HIBCH: variants seen among roughly 807,000 people sequenced by gnomAD.
The protein encoded by HIBCH is 3-hydroxyisobutyryl-CoA hydrolase, mitochondrial.
HIBCH carries 50 observed loss-of-function variants against 58.2 expected under a neutral mutation model. The observed-to-expected ratio is 0.86, with a 90% confidence interval of 0.68 to 1.09. The LOEUF is 1.09. HIBCH is among the 50% of genes least tolerant of loss of function. The pLI is 0.00. For synonymous variants in HIBCH, 151 were observed against 146.9 expected (o/e 1.03, Z -0.20); for missense variants, 450 against 449.7 (o/e 1.00, Z -0.01).
At chr2:190,294,116 T>C (rs2105989538) in intron 4 of HIBCH, among the ~76,000 whole-genome samples, 1 of 148,566 alleles carries the variant, frequency 6.7e-6, no homozygotes, top group South Asian at 2.1e-4. Context: ...TCTTGAATAG[T>C]GGGAAGCATA....
At chr2:190,275,698 TTTTAAAGA>T (rs1490410455) in intron 6 of HIBCH, among the ~76,000 whole-genome samples, 1 of 152,248 alleles carries the variant, frequency 6.6e-6, no homozygotes, top group Admixed American at 6.5e-5. Context: ...TAGATAACTC[TTTTAAAGA>T]AGGCATGAGA....
chr2:190,224,025 CGG>C (rs1685811316), intron 11 of HIBCH, among the ~76,000 whole-genome samples: 1 of 152,186 alleles, frequency 6.6e-6, no homozygotes, highest in Admixed American at 6.5e-5. Flanking sequence ...CCGTGACAGA[CGG>C]TACCTGGAAA....
At chr2:190,249,257 G>C (rs552736158) in intron 9 of HIBCH, among the ~76,000 whole-genome samples, 1 of 152,266 alleles carries the variant, frequency 6.6e-6, no homozygotes, top group African/African-American at 2.4e-5. Context: ...GACAACATAA[G>C]TAAGGAATTA....
At chr2:190,219,058 C>T (rs1685642781) in intron 11 of HIBCH, among the ~76,000 whole-genome samples, 1 of 152,210 alleles carries the variant, frequency 6.6e-6, no homozygotes, top group Non-Finnish European at 1.5e-5. Flanking sequence ...TAACCTGTTA[C>T]CGTCCAACTG....
At chr2:190,283,558 T>G (rs539761046) in intron 6 of HIBCH, among the ~76,000 whole-genome samples, 58 of 152,328 alleles carry the variant, frequency 3.8e-4, no homozygotes, top group African/African-American at 9.6e-4. Flanking sequence ...TGCTATTTCT[T>G]TTGCGGCACT....
chr2:190,246,382 T>G (rs1158876085), intron 9 of HIBCH, among the ~76,000 whole-genome samples, 170 bp from the exon 10 acceptor site: 5 of 152,250 alleles, frequency 3.3e-5, no homozygotes, highest in African/African-American at 1.2e-4. Context: ...TCAGACAGCA[T>G]GTAGAACTCT....
chr2:190,300,147 T>C (rs976013370), intron 2 of HIBCH, among the ~76,000 whole-genome samples: 1 of 152,256 alleles, frequency 6.6e-6, no homozygotes, highest in South Asian at 2.1e-4. Flanking sequence ...TGTGTCTTTA[T>C]GGTAGTACAA....
intron 11 of HIBCH, among the ~76,000 whole-genome samples, chr2:190,231,671 G>C (rs1245394805): frequency 1.3e-5 from 2 of 152,038 alleles, no homozygotes; most frequent in Non-Finnish European, 2.9e-5. Flanking sequence ...TGCTGGCAGT[G>C]CTAGCCAGTA....
At chr2:190,255,108 A>C (rs1360133531) in intron 7 of HIBCH, among the ~76,000 whole-genome samples, 2 of 152,224 alleles carry the variant, frequency 1.3e-5, no homozygotes, top group Non-Finnish European at 2.9e-5. Context: ...AAGCAGCCAG[A>C]ATCATGGTAC....
intron 11 of HIBCH, among the ~76,000 whole-genome samples, chr2:190,234,383 C>T (rs1686201042): frequency 6.6e-6 from 1 of 152,170 alleles, no homozygotes; most frequent in African/African-American, 2.4e-5. Context: ...TTATTTCTAA[C>T]AGTAAAATCC....
chr2:190,192,275 A>C (rs981437914), intron 1 of HIBCH, among the ~76,000 whole-genome samples: 1 of 151,898 alleles, frequency 6.6e-6, no homozygotes, highest in African/African-American at 2.4e-5. Context: ...TTATGGGTGT[A>C]TCTCTGGACT....
intron 13 of HIBCH, among the ~76,000 whole-genome samples, 195 bp from the exon 14 acceptor site, chr2:190,205,427 CTG>C (rs1690367434): frequency 6.6e-6 from 1 of 152,026 alleles, no homozygotes; most frequent in Non-Finnish European, 1.5e-5. Flanking sequence ...CTTTTGATGA[CTG>C]GGGTGGATAT....
At chr2:190,293,263 C>A (rs1161795476) in intron 4 of HIBCH, among the ~76,000 whole-genome samples, 5 of 147,718 alleles carry the variant, frequency 3.4e-5, no homozygotes, top group Non-Finnish European at 5.9e-5. Context: ...ACCAGCCTGG[C>A]CAACATGGTG....
intron 2 of HIBCH, among the ~76,000 whole-genome samples, chr2:190,297,992 G>A (rs958071770): frequency 8.8e-5 from 13 of 147,164 alleles, no homozygotes; most frequent in Admixed American, 8.4e-4. Context: ...ACTTATCAGT[G>A]AGAACATATG....
chr2:190,287,108 C>A (rs1328516370), intron 6 of HIBCH, among the ~76,000 whole-genome samples: 2 of 151,436 alleles, frequency 1.3e-5, no homozygotes, highest in Non-Finnish European at 2.9e-5. Context: ...GTCACCCAGG[C>A]TGGAGTGCAG....
chr2:190,252,985 T>C (rs1686819636), intron 7 of HIBCH, among the ~76,000 whole-genome samples: 1 of 152,088 alleles, frequency 6.6e-6, no homozygotes, highest in African/African-American at 2.4e-5. Flanking sequence ...GGTCAGGAGT[T>C]CAAGACCAGC....
chr2:190,248,307 G>C (rs1322610736), intron 9 of HIBCH, among the ~76,000 whole-genome samples: 1 of 152,182 alleles, frequency 6.6e-6, no homozygotes, highest in East Asian at 1.9e-4. Flanking sequence ...GTGTTATTAA[G>C]GGGTCCATGA....
intron 5 of HIBCH, among the ~76,000 whole-genome samples, chr2:190,288,699 A>G (rs1490797457): frequency 6.6e-6 from 1 of 152,130 alleles, no homozygotes; most frequent in Non-Finnish European, 1.5e-5. Context: ...CTTTTAGTTC[A>G]AACTTAAAAT....
intron 7 of HIBCH, among the ~76,000 whole-genome samples, chr2:190,258,798 A>G (rs1687003573): frequency 6.6e-6 from 1 of 152,192 alleles, no homozygotes; most frequent in Non-Finnish European, 1.5e-5. Context: ...TTTCTAAAAT[A>G]TAATATGAGG....
Sources: allele counts gnomAD v4.1 joint callset (sites outside exome capture counted in the v4.1 genomes callset), GRCh38; gene constraint gnomAD v4.1.1; transcripts MANE v1.5; gene names NCBI Gene and HGNC (gene_info 2026-07-23, HGNC 2026-07-21).